IMPG1: variants seen among roughly 807,000 people sequenced by gnomAD.
The protein encoded by IMPG1 is interphotoreceptor matrix proteoglycan 1.
IMPG1 carries 85 observed loss-of-function variants against 92.0 expected under a neutral mutation model. The observed-to-expected ratio is 0.92, with a 90% CI of 0.78 to 1.11. IMPG1 has a LOEUF of 1.11. Among genes scored for constraint, IMPG1 ranks in the 50% least tolerant of loss-of-function variants. IMPG1 has a pLI of 0.00. For synonymous variants in IMPG1, 367 were observed against 334.1 expected (o/e 1.10, Z -1.08); for missense variants, 1,022 against 956.0 (o/e 1.07, Z -0.91).
In IMPG1 at chr6:76,034,654, G is replaced by A; in HGVS notation, c.435C>T (p.Ser145=). The part of the protein sequence containing the change: ...FCLFDIGKNF[S]NSQEHLDLLQ... The stretch of plus-strand genomic sequence containing the variant: ...GAAGATCCAGGTGCTCCTGGGAATT[G>A]CTGAAGTTTTTTCCAATGTCAAAGA... The change falls in exon 3 of 17, where the codon AGC becomes AGT. Residue 145 remains serine, a synonymous_variant. Coordinates refer to ENST00000369950, the MANE Select transcript of IMPG1 (RefSeq NM_001563.4). 1 of 1,614,154 alleles carries A rather than the reference G, an allele frequency of 6.2e-7. No homozygotes were observed. Among genetic ancestry groups the A allele is most frequent in the Non-Finnish European group, 8.5e-7 (1 of 1,180,006 alleles).
intron 1 of IMPG1, among the ~76,000 whole-genome samples, chr6:76,057,002 G>A (rs1199328079): frequency 6.6e-6 from 1 of 152,124 alleles, no homozygotes; most frequent in Non-Finnish European, 1.5e-5. Flanking sequence ...GCAGGGACAT[G>A]GATAGAGCTA....
At chr6:75,989,765 C>T (rs1420294399) in intron 12 of IMPG1, among the ~76,000 whole-genome samples, 1 of 152,170 alleles carries the variant, frequency 6.6e-6, no homozygotes, top group Non-Finnish European at 1.5e-5. Context: ...ATCTCTTGAA[C>T]CCATGAGGTG....
rs1562354924 is a variant in IMPG1, at chr6:75,974,404, C to CTTTCCTTCCTTCCTTCCTTG, written c.1292-23311_1292-23310insCAAGGAAGGAAGGAAGGAAA. 4.2e-4 allele frequency among the ~76,000 whole-genome samples: 45 copies of CTTTCCTTCCTTCCTTCCTTG among 108,014 alleles called. 2 individuals carry two copies. The East Asian group carries it at 6.6e-3, about 16-fold the overall frequency. The allele number at this position is 108,014 out of a possible 152,430, so 70.9% of individuals were successfully genotyped here. A position where few individuals can be genotyped will look rare whatever the true frequency, so the allele number is the denominator to read the frequency against. On this transcript the variant is annotated intron_variant, in intron 12 of 16. Coordinates refer to ENST00000369950, the MANE Select transcript of IMPG1 (RefSeq NM_001563.4). Reference sequence around the variant, plus strand: ...CTTTCTTTCTTTCTTTTCTTTCTTTCCTTCCTTCCTTCCTTCCTTCCTTGC... The same window carrying CTTTCCTTCCTTCCTTCCTTG: ...CTTTCTTTCTTTCTTTTCTTTCTTTCTTTCCTTCCTTCCTTCCTTGCTTCCTTCCTTCCTTCCTTCCTTGC...
At chr6:76,005,569 G>A in intron 9 of IMPG1, 35 bp from the exon 10 acceptor site, 6 of 1,604,508 alleles carry the variant, frequency 3.7e-6, no homozygotes, top group Non-Finnish European at 5.1e-6. Context: ...CCCACCCAAA[G>A]CCATTGTTAC....
intron 15 of IMPG1, among the ~76,000 whole-genome samples, chr6:75,924,599 A>AAT (rs1781500557): frequency 4.5e-5 from 2 of 44,838 alleles, no homozygotes; most frequent in African/African-American, 1.7e-4. Flanking sequence ...TATATTATAT[A>AAT]TAATTAATTA....
At chr6:75,983,868 T>C (rs1362974831) in intron 12 of IMPG1, among the ~76,000 whole-genome samples, 3 of 151,776 alleles carry the variant, frequency 2.0e-5, no homozygotes, top group African/African-American at 7.3e-5. Context: ...AAAAACTCAA[T>C]GGCAAAAAAG....
At chr6:76,056,050 C>A (rs113285466) in intron 1 of IMPG1, among the ~76,000 whole-genome samples, 3,313 of 151,538 alleles carry the variant, frequency 0.022, 105 homozygotes, top group African/African-American at 0.073. Flanking sequence ...ATTTATGGTC[C>A]GAGCTTGCTT....
At chr6:75,952,822 A>T (rs1488885002) in intron 12 of IMPG1, among the ~76,000 whole-genome samples, 3 of 152,216 alleles carry the variant, frequency 2.0e-5, no homozygotes, top group African/African-American at 7.2e-5. Context: ...TATAGCAAGA[A>T]GGCAACAAAC....
intron 6 of IMPG1, among the ~76,000 whole-genome samples, chr6:76,020,777 C>T (rs188163796): frequency 8.3e-4 from 127 of 152,254 alleles, no homozygotes; most frequent in Non-Finnish European, 1.4e-3. Context: ...GAGTCATGCC[C>T]TACAAACCAT....
intron 1 of IMPG1, among the ~76,000 whole-genome samples, chr6:76,047,504 T>C (rs1033246724): frequency 5.9e-5 from 9 of 152,218 alleles, no homozygotes; most frequent in African/African-American, 1.4e-4. Flanking sequence ...ACTTGTGTTG[T>C]AGTGCTTCCT....
rs192372880 is a variant in IMPG1, at chr6:76,003,248, C to T, written c.1213-252G>A. ...CTGCCTGAATAGACTTAACTAACAG[C>T]TAAGATACTTTGATTTATGTCAATC... On this transcript the variant is annotated intron_variant, in intron 11 of 16. Coordinates refer to ENST00000369950, the MANE Select transcript of IMPG1 (RefSeq NM_001563.4). Among the ~76,000 whole-genome samples, 12 of 152,236 alleles carry T rather than the reference C, an allele frequency of 7.9e-5. No individual in the cohort carries two copies. In the East Asian group the frequency reaches 2.1e-3, roughly 27 times the overall value.
chr6:75,944,507 G>A (rs1018246863), intron 14 of IMPG1, among the ~76,000 whole-genome samples: 4 of 152,170 alleles, frequency 2.6e-5, no homozygotes, highest in Non-Finnish European at 4.4e-5. Context: ...GATGCTTAAT[G>A]ATGTTCTAAG....
intron 12 of IMPG1, 82 bp from the exon 13 acceptor site, chr6:75,951,176 T>C: frequency 9.4e-7 from 1 of 1,066,458 alleles, no homozygotes; most frequent in Non-Finnish European, 1.4e-6. Context: ...AAAATTAAGC[T>C]TAACTTAAGA....
chr6:76,035,342 A>G (rs1783722300), intron 2 of IMPG1, among the ~76,000 whole-genome samples: 1 of 152,174 alleles, frequency 6.6e-6, no homozygotes, highest in South Asian at 2.1e-4. Flanking sequence ...TCTACTAAAA[A>G]TACAAAATTA....
intron 12 of IMPG1, among the ~76,000 whole-genome samples, chr6:75,967,752 C>G (rs1422644461): frequency 6.6e-6 from 1 of 152,126 alleles, no homozygotes; most frequent in Non-Finnish European, 1.5e-5. Flanking sequence ...AAAAATCATG[C>G]TAGTGTCATG....
intron 1 of IMPG1, among the ~76,000 whole-genome samples, chr6:76,065,050 A>ATGTTG (rs1784285290): frequency 1.3e-5 from 2 of 152,010 alleles, no homozygotes; most frequent in African/African-American, 4.8e-5. Context: ...ACTATAATGT[A>ATGTTG]TATACAACAT....
intron 7 of IMPG1, among the ~76,000 whole-genome samples, chr6:76,011,642 A>T (rs1197913024): frequency 1.3e-5 from 2 of 151,758 alleles, no homozygotes; most frequent in Non-Finnish European, 2.9e-5. Flanking sequence ...TGTGCAGGTT[A>T]GTTACATATG....
At chr6:76,018,954 G>C (rs964686777) in intron 6 of IMPG1, 96 bp from the exon 7 acceptor site, 1 of 1,120,926 alleles carries the variant, frequency 8.9e-7, no homozygotes, top group Non-Finnish European at 1.2e-6. Flanking sequence ...TCAAGAAGTG[G>C]ATTATGAAGG....
At chr6:75,945,535 G>A (rs919766145) in intron 14 of IMPG1, among the ~76,000 whole-genome samples, 15 of 151,958 alleles carry the variant, frequency 9.9e-5, no homozygotes, top group Admixed American at 9.8e-4. Flanking sequence ...ATTTTTAGTA[G>A]AGACAGGGTT....
Sources: gnomAD v4.1 joint callset for allele counts (sites outside exome capture counted in the v4.1 genomes callset) on GRCh38, gnomAD v4.1.1 for gene constraint, MANE v1.5 for transcripts, NCBI Gene and HGNC (gene_info 2026-07-23, HGNC 2026-07-21) for gene names.